The following TMEM178B variants were observed in gnomAD, a reference collection of about 807,000 sequenced individuals.
TMEM178B encodes the protein transmembrane protein 178B.
A neutral mutation model predicts 31.0 loss-of-function variants in TMEM178B; 5 were observed. The observed-to-expected ratio is 0.16, with a 90% CI of 0.08 to 0.34. TMEM178B has a LOEUF of 0.34. Among genes scored for constraint, TMEM178B ranks in the 10% least tolerant of loss-of-function variants. The pLI, the probability that TMEM178B is intolerant of heterozygous loss-of-function variation, is 1.00. For missense variants in TMEM178B, 275 were observed against 400.3 expected, an observed-to-expected ratio of 0.69 and a Z score of 2.67; for synonymous variants, 164 against 164.0, an observed-to-expected ratio of 1.00 and a Z score of 0.00.
intron 1 of TMEM178B, among the ~76,000 whole-genome samples, chr7:141,170,299 G>A (rs1796326801): frequency 6.6e-6 from 1 of 152,184 alleles, no homozygotes; most frequent in African/African-American, 2.4e-5. Flanking sequence ...CCTGGATAGA[G>A]TCCCTTCCAT....
intron 2 of TMEM178B, among the ~76,000 whole-genome samples, chr7:141,374,354 A>T (rs1800172772): frequency 6.6e-6 from 1 of 152,264 alleles, no homozygotes; most frequent in Non-Finnish European, 1.5e-5. Flanking sequence ...CTTTAAAACA[A>T]TACTTATTTA....
intron 2 of TMEM178B, among the ~76,000 whole-genome samples, chr7:141,375,232 T>C (rs2116577011): frequency 6.6e-6 from 1 of 152,342 alleles, no homozygotes; most frequent in African/African-American, 2.4e-5. Context: ...CCTATGATTA[T>C]ATAAACTTGA....
intron 2 of TMEM178B, among the ~76,000 whole-genome samples, chr7:141,309,149 A>G (rs1468499938): frequency 1.4e-5 from 2 of 145,792 alleles, no homozygotes; most frequent in East Asian, 3.8e-4. Flanking sequence ...AAAAGTATAG[A>G]AAAAATTAAA....
chr7:141,328,101 A>G (rs1390725704), intron 2 of TMEM178B, among the ~76,000 whole-genome samples: 1 of 152,140 alleles, frequency 6.6e-6, no homozygotes, highest in Non-Finnish European at 1.5e-5. Context: ...TCACTTGCAT[A>G]CTCAATTCTG....
intron 1 of TMEM178B, chr7:141,173,185 AAGT>A (rs1427257184): frequency 1.3e-5 from 2 of 152,318 alleles, no homozygotes; most frequent in East Asian, 3.9e-4. Flanking sequence ...CATTATAGAG[AAGT>A]AGTCTAGTTT....
chr7:141,260,352 T>C (rs1381541340), intron 2 of TMEM178B, among the ~76,000 whole-genome samples: 2 of 152,172 alleles, frequency 1.3e-5, no homozygotes, highest in Admixed American at 1.3e-4. Context: ...TTCCCACTGA[T>C]CTTGGATAAA....
At chr7:141,292,213 A>G (rs1323586222) in intron 2 of TMEM178B, among the ~76,000 whole-genome samples, 1 of 152,192 alleles carries the variant, frequency 6.6e-6, no homozygotes, top group Non-Finnish European at 1.5e-5. Context: ...TCTTATTTGG[A>G]AGATTCAGAA....
intron 2 of TMEM178B, among the ~76,000 whole-genome samples, chr7:141,421,096 C>A (rs751129071): frequency 2.2e-4 from 34 of 152,178 alleles, no homozygotes; most frequent in Non-Finnish European, 4.9e-4. Flanking sequence ...TACCCCTAAA[C>A]CCTCATTTTT....
At chr7:141,102,945 C>T (rs537797636) in intron 1 of TMEM178B, among the ~76,000 whole-genome samples, 10 of 152,102 alleles carry the variant, frequency 6.6e-5, no homozygotes, top group South Asian at 2.1e-4. Context: ...GTGGCTAAGG[C>T]GGGTGGAGCC....
chr7:141,093,565 T>C (rs562793873), intron 1 of TMEM178B, among the ~76,000 whole-genome samples: 7 of 152,290 alleles, frequency 4.6e-5, no homozygotes, highest in Non-Finnish European at 7.3e-5. Context: ...GTTGTGAGAC[T>C]GAAAGAGATC....
chr7:141,130,483 C>T lies in TMEM178B; in HGVS notation c.382+55791C>T, dbSNP rs117226426. Reference sequence around the variant, plus strand: ...CTCAATATTATATCATGAGAGTCATCCAAGTGGTTAAGTGCTGTGTAGCAG... The same window carrying T: ...CTCAATATTATATCATGAGAGTCATTCAAGTGGTTAAGTGCTGTGTAGCAG... On this transcript the variant is annotated intron_variant, in intron 1 of 3. Transcript: ENST00000565468. Among the ~76,000 whole-genome samples, 56 of 152,226 alleles carry T rather than the reference C, an allele frequency of 3.7e-4. No individual in the cohort carries two copies. In the East Asian group the frequency reaches 0.01, roughly 28 times the overall value.
At chr7:141,088,880 C>T (rs1224865088) in intron 1 of TMEM178B, among the ~76,000 whole-genome samples, 1 of 152,198 alleles carries the variant, frequency 6.6e-6, no homozygotes, top group Non-Finnish European at 1.5e-5. Context: ...AAACAATTCA[C>T]ATCATTGTTC....
At chr7:141,410,097 C>T (rs1462349465) in intron 2 of TMEM178B, among the ~76,000 whole-genome samples, 5 of 152,204 alleles carry the variant, frequency 3.3e-5, no homozygotes, top group Non-Finnish European at 7.3e-5. Flanking sequence ...TCTCAACATC[C>T]CCATCACCTG....
At chr7:141,357,567 A>G (rs984684539) in intron 2 of TMEM178B, among the ~76,000 whole-genome samples, 2 of 152,210 alleles carry the variant, frequency 1.3e-5, no homozygotes, top group African/African-American at 4.8e-5. Context: ...GAAAAATTGC[A>G]TCTTAATTTA....
intron 1 of TMEM178B, among the ~76,000 whole-genome samples, chr7:141,116,008 G>A (rs1795312127): frequency 6.6e-6 from 1 of 152,192 alleles, no homozygotes; most frequent in African/African-American, 2.4e-5. Flanking sequence ...TGTGATGGAT[G>A]ATGTTTTTTA....
intron 2 of TMEM178B, among the ~76,000 whole-genome samples, chr7:141,311,743 G>A (rs958509944): frequency 7.2e-5 from 11 of 152,142 alleles, no homozygotes; most frequent in Admixed American, 4.6e-4. Flanking sequence ...TCATCTGTCC[G>A]AGGTGAAACA....
chr7:141,124,407 T>A (rs1423911957), intron 1 of TMEM178B, among the ~76,000 whole-genome samples: 28 of 152,144 alleles, frequency 1.8e-4, no homozygotes, highest in Admixed American at 1.8e-3. Flanking sequence ...AATGTGAACT[T>A]CTGCCTCAAT....
intron 2 of TMEM178B, among the ~76,000 whole-genome samples, chr7:141,398,005 T>A (rs1160888420): frequency 1.3e-5 from 2 of 151,868 alleles, no homozygotes; most frequent in South Asian, 4.2e-4. Flanking sequence ...AGGCTCTGAG[T>A]CAAGTTCATT....
chr7:141,362,652 G>A (rs577565300), intron 2 of TMEM178B, among the ~76,000 whole-genome samples: 1 of 152,192 alleles, frequency 6.6e-6, no homozygotes, highest in African/African-American at 2.4e-5. Context: ...GGCATTTGGT[G>A]CTTTGAGGTC....
Sources: gnomAD v4.1 joint callset for allele counts (sites outside exome capture counted in the v4.1 genomes callset) on GRCh38, gnomAD v4.1.1 for gene constraint, MANE v1.5 for transcripts, NCBI Gene and HGNC (gene_info 2026-07-23, HGNC 2026-07-21) for gene names.